The following ME3 variants were observed in gnomAD, a reference collection of about 807,000 sequenced individuals.
ME3 encodes NADP-dependent malic enzyme, mitochondrial.
Under a neutral mutation model 68.9 loss-of-function variants are expected in ME3, and 48 were observed. The observed-to-expected ratio is 0.70, with a 90% CI of 0.55 to 0.89. The LOEUF is 0.89. ME3 is among the 40% of genes least tolerant of loss of function. The pLI, the probability that ME3 is intolerant of heterozygous loss-of-function variation, is 0.00. For synonymous variants in ME3, 320 were observed against 318.8 expected (o/e 1.00, Z -0.04); for missense variants, 675 against 797.4 (o/e 0.85, Z 1.85).
intron 9 of ME3, 50 bp downstream of exon 9, chr11:86,450,251 A>G (rs1165139327): frequency 1.3e-6 from 2 of 1,561,308 alleles, no homozygotes; most frequent in Admixed American, 1.7e-5. Context: ...GCTTCCACCC[A>G]TTCTTATTCT....
rs576013975 is a variant in ME3, at chr11:86,470,047, C to T, written c.810-4847G>A. ...GGTCTGAGGTGGCTGTTCTGCCCTT[C>T]TCCCCAGTGTGTGAACCAAATGCAG... On this transcript the variant is annotated intron_variant, in intron 7 of 14. Coordinates refer to ENST00000543262, the Ensembl canonical transcript of ME3. Among the ~76,000 whole-genome samples, 4 of 152,214 alleles carry T rather than the reference C, an allele frequency of 2.6e-5. No individual in the cohort carries two copies. The East Asian group carries it at 5.8e-4, about 22-fold the overall frequency.
At chr11:86,530,079 A>T (rs189222334) in intron 4 of ME3, among the ~76,000 whole-genome samples, 3 of 152,348 alleles carry the variant, frequency 2.0e-5, no homozygotes, top group East Asian at 1.9e-4. Flanking sequence ...CCGTTTGCAG[A>T]TGACATTGTA....
chr11:86,487,125 C>A (rs922558247), intron 7 of ME3, among the ~76,000 whole-genome samples: 1 of 152,176 alleles, frequency 6.6e-6, no homozygotes, highest in Admixed American at 6.5e-5. Flanking sequence ...CTCTCATTCC[C>A]TCCCCTCACT....
At chr11:86,565,423 T>C (rs1205179856) in intron 2 of ME3, among the ~76,000 whole-genome samples, 1 of 152,212 alleles carries the variant, frequency 6.6e-6, no homozygotes, top group Non-Finnish European at 1.5e-5. Flanking sequence ...CGAATGATTA[T>C]ATGTCAGTGT....
chr11:86,535,401 T>C (rs1955584704), intron 4 of ME3, among the ~76,000 whole-genome samples: 1 of 152,146 alleles, frequency 6.6e-6, no homozygotes, highest in African/African-American at 2.4e-5. Context: ...GGAACCTCAT[T>C]TGTGATGAGG....
intron 2 of ME3, among the ~76,000 whole-genome samples, chr11:86,568,983 C>A (rs370319614): frequency 2.0e-5 from 3 of 152,318 alleles, no homozygotes; most frequent in South Asian, 4.1e-4. Flanking sequence ...AGCTGCTTCT[C>A]CCACTTATTA....
At chr11:86,588,658 A>ATG (rs1471968955) in intron 2 of ME3, among the ~76,000 whole-genome samples, 1 of 152,182 alleles carries the variant, frequency 6.6e-6, no homozygotes, top group Non-Finnish European at 1.5e-5. Flanking sequence ...GAGCCTTGGA[A>ATG]TGTGGCTACT....
intron 4 of ME3, among the ~76,000 whole-genome samples, chr11:86,543,073 G>A (rs1278150940): frequency 6.6e-6 from 1 of 152,152 alleles, no homozygotes; most frequent in Non-Finnish European, 1.5e-5. Flanking sequence ...AAGTGAAGGA[G>A]AAATAAAATC....
At chr11:86,603,093 C>T (rs1565200117) in intron 2 of ME3, among the ~76,000 whole-genome samples, 1 of 152,140 alleles carries the variant, frequency 6.6e-6, no homozygotes, top group African/African-American at 2.4e-5. Context: ...CTAAAATTGA[C>T]AAGTGGTATC....
chr11:86,545,961 CA>C (rs1475632696), intron 4 of ME3, among the ~76,000 whole-genome samples: 1 of 152,174 alleles, frequency 6.6e-6, no homozygotes, highest in East Asian at 1.9e-4. Context: ...GGTACTAAAA[CA>C]GACATATAGA....
chr11:86,528,447 T>C (rs548904483), intron 4 of ME3, among the ~76,000 whole-genome samples: 6 of 152,056 alleles, frequency 3.9e-5, no homozygotes, highest in African/African-American at 1.4e-4. Flanking sequence ...GACAGATCAA[T>C]GAGACAGAAA....
intron 4 of ME3, among the ~76,000 whole-genome samples, chr11:86,521,604 C>T (rs1365669424): frequency 6.6e-6 from 1 of 152,160 alleles, no homozygotes; most frequent in African/African-American, 2.4e-5. Context: ...ATGAATGTCA[C>T]TGCCTCTCCA....
intron 2 of ME3, among the ~76,000 whole-genome samples, chr11:86,575,689 C>G (rs1462688512): frequency 6.6e-6 from 1 of 152,198 alleles, no homozygotes; most frequent in East Asian, 1.9e-4. Context: ...TTCATGCACG[C>G]CTCTACCAGG....
chr11:86,523,832 C>A (rs539134619), intron 4 of ME3, among the ~76,000 whole-genome samples: 1 of 152,214 alleles, frequency 6.6e-6, no homozygotes, highest in South Asian at 2.1e-4. Flanking sequence ...GAAATTTCAG[C>A]TGAAATTGAC....
rs200456030 is a variant in ME3 at position 86,607,455 on chromosome 11, T to G, written c.184-47632A>C. Reference sequence around the variant, plus strand: ...ATACAATGAGTTGAGAGGCATAGTTTTTTTTTTTTTTTTTTTTTAAACTTC... The same window carrying G: ...ATACAATGAGTTGAGAGGCATAGTTGTTTTTTTTTTTTTTTTTTAAACTTC... On this transcript the variant is annotated intron_variant, in intron 2 of 14. Coordinates refer to ENST00000543262, the Ensembl canonical transcript of ME3. Among the ~76,000 whole-genome samples, 641 of 73,830 alleles carry G rather than the reference T, an allele frequency of 8.7e-3. 24 individuals carry two copies. In the East Asian group the frequency reaches 0.16, roughly 18 times the overall value. 48.4% of individuals were successfully genotyped at this position (73,830 alleles called of 152,430 possible). A position where few individuals can be genotyped will look rare whatever the true frequency, so the allele number is the denominator to read the frequency against.
chr11:86,556,837 G>T, intron 3 of ME3, 135 bp from the exon 4 acceptor site: 1 of 870,610 alleles, frequency 1.1e-6, no homozygotes, highest in Non-Finnish European at 1.8e-6. Flanking sequence ...TCTGCCCTGA[G>T]CATGAGCTTC....
chr11:86,639,542 G>T (rs1356553887), intron 2 of ME3, among the ~76,000 whole-genome samples: 1 of 141,150 alleles, frequency 7.1e-6, no homozygotes, highest in Non-Finnish European at 1.5e-5. Context: ...GGGTTCAGAG[G>T]ATACCCTTGT....
intron 2 of ME3, among the ~76,000 whole-genome samples, chr11:86,647,964 A>C (rs1289403446): frequency 6.6e-6 from 1 of 152,228 alleles, no homozygotes; most frequent in Non-Finnish European, 1.5e-5. Flanking sequence ...CATTCTTCTC[A>C]GAACCACATA....
intron 2 of ME3, among the ~76,000 whole-genome samples, chr11:86,600,068 C>A (rs559346197): frequency 2.6e-5 from 4 of 152,284 alleles, no homozygotes; most frequent in African/African-American, 9.6e-5. Flanking sequence ...AACCAGCTAA[C>A]ATCATAATGA....
Sources: allele counts gnomAD v4.1 joint callset (sites outside exome capture counted in the v4.1 genomes callset), GRCh38; gene constraint gnomAD v4.1.1; transcripts MANE v1.5; gene names NCBI Gene and HGNC (gene_info 2026-07-23, HGNC 2026-07-21).